NFIX: variants seen among roughly 807,000 people sequenced by gnomAD.
NFIX encodes nuclear factor I X, also known as nuclear factor 1 X-type.
A neutral mutation model predicts 53.3 loss-of-function variants in NFIX; 2 were observed. That is an observed-to-expected ratio of 0.04 (90% confidence interval 0.02 to 0.12). The LOEUF is 0.12. Among genes scored for constraint, NFIX ranks in the 10% least tolerant of loss-of-function variants. NFIX has a pLI of 1.00. For missense variants in NFIX, 310 were observed against 674.5 expected, an observed-to-expected ratio of 0.46 and a Z score of 5.99; for synonymous variants, 244 against 289.0, an observed-to-expected ratio of 0.84 and a Z score of 1.58.
rs976629030 is a variant in NFIX, at chr19:13,013,316, C to T, written c.28-11705C>T. On this transcript the variant is annotated intron_variant, in intron 1 of 10. Transcript: ENST00000592199. This position sits in a 1 kb window ranked among gnomAD's most constrained non-coding sequence, Gnocchi z 5.9. ...AAGCTGGCGTCGGGCTGAAGTCCCC[C>T]GAGCCACCCCTGGAGCCAGAGCAGC... Among the ~76,000 whole-genome samples the T allele has an allele frequency of 6.6e-6, 1 of 152,184 alleles. No individual in the cohort carries two copies. The highest frequency in any genetic ancestry group is 6.5e-5 in the Admixed American group (1 of 15,282).
At chr19:13,054,000 G>T (rs1037146732) in intron 2 of NFIX, among the ~76,000 whole-genome samples, 2 of 152,184 alleles carry the variant, frequency 1.3e-5, no homozygotes, top group Admixed American at 1.3e-4. Flanking sequence ...TGCGGCCAGC[G>T]GCATTCTTTG....
chr19:13,039,130 C>G (rs980004321), intron 2 of NFIX, among the ~76,000 whole-genome samples: 1 of 152,124 alleles, frequency 6.6e-6, no homozygotes, highest in African/African-American at 2.4e-5. Context: ...ATTTCTCTCA[C>G]TTATTTATGG....
intron 2 of NFIX, among the ~76,000 whole-genome samples, chr19:13,062,475 G>A (rs2016151804): frequency 6.6e-6 from 1 of 152,210 alleles, no homozygotes; most frequent in African/African-American, 2.4e-5. Flanking sequence ...GGATGTAGCA[G>A]CAAACAAAAC....
intron 7 of NFIX, among the ~76,000 whole-genome samples, chr19:13,080,816 C>T (rs961438005): frequency 3.3e-5 from 5 of 150,862 alleles, no homozygotes; most frequent in Non-Finnish European, 4.4e-5. Flanking sequence ...CTGGCTAACA[C>T]GGTGAAACCC....
chr19:13,042,876 A>G (rs189888969), intron 2 of NFIX, among the ~76,000 whole-genome samples: 27 of 152,264 alleles, frequency 1.8e-4, no homozygotes, highest in Non-Finnish European at 3.7e-4. Context: ...GGCAAAAGGT[A>G]TGGACTCTCT....
intron 2 of NFIX, chr19:13,070,473 A>G (rs1002305494): frequency 9.8e-5 from 15 of 152,426 alleles, no homozygotes; most frequent in African/African-American, 3.1e-4. Flanking sequence ...GGAGAACACC[A>G]CTTGAGCAGA....
intron 2 of NFIX, among the ~76,000 whole-genome samples, chr19:13,030,364 C>A (rs968080514): frequency 6.6e-6 from 1 of 152,242 alleles, no homozygotes; most frequent in South Asian, 2.1e-4. Context: ...GTAAAGATAC[C>A]GGCACATAGC....
At chr19:13,029,272 C>T (rs554372679) in intron 2 of NFIX, among the ~76,000 whole-genome samples, 7 of 152,256 alleles carry the variant, frequency 4.6e-5, no homozygotes, top group Non-Finnish European at 8.8e-5. Context: ...TCTAAAGATA[C>T]GGACTCTTGA....
chr19:13,045,730 G>A lies in NFIX; in HGVS notation c.559+20178G>A, dbSNP rs2014941388. On this transcript the variant is annotated intron_variant, in intron 2 of 10. Coordinates refer to ENST00000592199, the MANE Select transcript of NFIX (RefSeq NM_001365902.3). This position sits in a 1 kb window ranked among gnomAD's most constrained non-coding sequence, Gnocchi z 4.4. ...CATCAGGGGACCACAGGCTGTGGTTGCGCCTGTCCGTTCTCCCTCCCTTTT... is the reference window on the plus strand; with the variant it reads ...CATCAGGGGACCACAGGCTGTGGTTACGCCTGTCCGTTCTCCCTCCCTTTT... Among the ~76,000 whole-genome samples the A allele has an allele frequency of 6.6e-6, 1 of 152,190 alleles. No individual in the cohort carries two copies.
rs1274117414 is a variant in NFIX at position 13,012,783 on chromosome 19, G to T, written c.28-12238G>T. 6.6e-6 allele frequency among the ~76,000 whole-genome samples: 1 copy of T among 152,188 alleles called. No homozygotes were observed. The highest frequency in any genetic ancestry group is 1.5e-5 in the Non-Finnish European group (1 of 68,032). On this transcript the variant is annotated intron_variant, in intron 1 of 10. Transcript: ENST00000592199. The surrounding 1 kb of genome is among the most constrained non-coding windows in gnomAD (Gnocchi z 5.0). ...CCCCAAATCCGAGGACAGCTTGGGGGCGTCCCTTCGGAGAGGATCTCTCCG... is the reference window on the plus strand; with the variant it reads ...CCCCAAATCCGAGGACAGCTTGGGGTCGTCCCTTCGGAGAGGATCTCTCCG...
intron 6 of NFIX, 77 bp downstream of exon 6, chr19:13,075,748 A>G: frequency 6.6e-7 from 1 of 1,510,904 alleles, no homozygotes; most frequent in Non-Finnish European, 9.0e-7. Flanking sequence ...TCACCTGGTG[A>G]GCCTCCCACC....
chr19:13,035,383 A>G (rs2014113460), intron 2 of NFIX, among the ~76,000 whole-genome samples: 1 of 151,824 alleles, frequency 6.6e-6, no homozygotes, highest in African/African-American at 2.4e-5. Flanking sequence ...TTCCTCTCTG[A>G]TTTTTTGCAT....
Position 13,073,319 on chromosome 19 carries a change from C to A in NFIX, c.623-103C>A. On this transcript the variant is annotated intron_variant, in intron 3 of 10. Transcript: ENST00000592199. This position sits in a 1 kb window ranked among gnomAD's most constrained non-coding sequence, Gnocchi z 4.5. ...CTGAGGGCTAGCCTGGAGCTGGAAA[C>A]GGGACTTGGGAGGGAGAAGCAACAG... is the stretch of plus-strand genomic sequence containing the variant. 1 of 1,099,120 alleles carries A rather than the reference C, an allele frequency of 9.1e-7. No homozygotes were observed. Among genetic ancestry groups the A allele is most frequent in the Non-Finnish European group, 1.4e-6 (1 of 712,860 alleles). 68.1% of individuals were successfully genotyped at this position (1,099,120 alleles called of 1,614,324 possible). A position where few individuals can be genotyped will look rare whatever the true frequency, so the allele number is the denominator to read the frequency against.
At position 13,081,135 on chromosome 19, in the gene NFIX, A is replaced by G. The variant is rs1213266414; in HGVS notation, c.1079-545A>G. The stretch of plus-strand genomic sequence containing the variant: ...GACAATATGGCAAAATCTCATCTCT[A>G]GAAAAAAAAAAAAGCAAAAATCTAC... On this transcript the variant is annotated intron_variant, in intron 7 of 10. Transcript: ENST00000592199. This position sits in a 1 kb window ranked among gnomAD's most constrained non-coding sequence, Gnocchi z 4.7. 6.6e-6 allele frequency among the ~76,000 whole-genome samples: 1 copy of G among 151,598 alleles called. No individual in the cohort carries two copies. The highest frequency in any genetic ancestry group is 1.9e-4 in the East Asian group (1 of 5,166).
chr19:13,059,975 C>T (rs891411203), intron 2 of NFIX, among the ~76,000 whole-genome samples: 1 of 151,724 alleles, frequency 6.6e-6, no homozygotes, highest in African/African-American at 2.4e-5. Flanking sequence ...TTAGTAGAGA[C>T]GGGGTTTCAC....
rs2014303121 is a variant in NFIX, at chr19:13,037,674, C to T, written c.559+12122C>T. Among the ~76,000 whole-genome samples the T allele has an allele frequency of 6.6e-6, 1 of 152,212 alleles. No homozygotes were observed. The highest frequency in any genetic ancestry group is 2.4e-5 in the African/African-American group (1 of 41,440). ...GTTTGCTCAGAGTTTCACAGCCCCT[C>T]ACCTCGGTAAACCCCTCAGTCTCCA... On this transcript the variant is annotated intron_variant, in intron 2 of 10. Coordinates refer to ENST00000592199, the MANE Select transcript of NFIX (RefSeq NM_001365902.3). This position sits in a 1 kb window ranked among gnomAD's most constrained non-coding sequence, Gnocchi z 4.2.
At position 13,014,485 on chromosome 19, in the gene NFIX, T is replaced by C. The variant is rs1305852584; in HGVS notation, c.28-10536T>C. ...TCAAACCCGGGTGTGGGGAAGCAGC[T>C]TCGCTGCCTACTCTGCATCCTCTCC... On this transcript the variant is annotated intron_variant, in intron 1 of 10. Transcript: ENST00000592199. This position sits in a 1 kb window ranked among gnomAD's most constrained non-coding sequence, Gnocchi z 4.4. The C allele has an allele frequency of 2.0e-5, 3 of 152,258 alleles. No individual in the cohort carries two copies. The highest frequency in any genetic ancestry group is 7.2e-5 in the African/African-American group (3 of 41,470). The allele number at this position is 152,258 out of a possible 1,614,324, so 9.4% of individuals were successfully genotyped here. A position where few individuals can be genotyped will look rare whatever the true frequency, so the allele number is the denominator to read the frequency against.
intron 2 of NFIX, among the ~76,000 whole-genome samples, chr19:13,048,968 T>G (rs147815386): frequency 0.025 from 3,803 of 152,124 alleles, 55 homozygotes; most frequent in Non-Finnish European, 0.036. Context: ...TCCCAGCTAC[T>G]CGGGAGGCTG....
intron 1 of NFIX, 138 bp from the exon 2 acceptor site, chr19:13,024,883 G>A: frequency 7.6e-7 from 1 of 1,323,892 alleles, no homozygotes; most frequent in Non-Finnish European, 1.0e-6. Context: ...GTTGGGGGGA[G>A]GGAGGAGGAG....
Sources: gnomAD v4.1 joint callset for allele counts (sites outside exome capture counted in the v4.1 genomes callset) on GRCh38, gnomAD v4.1.1 for gene constraint, Gnocchi (gnomAD v3.1) non-coding constraint, MANE v1.5 for transcripts, NCBI Gene and HGNC (gene_info 2026-07-23, HGNC 2026-07-21) for gene names.